The following SETBP1 variants were observed in gnomAD, a reference collection of about 807,000 sequenced individuals.
The protein encoded by SETBP1 is SET-binding protein.
Under a neutral mutation model 101.0 loss-of-function variants are expected in SETBP1, and 9 were observed. The ratio of observed to expected loss-of-function variants is 0.09; its 90% CI spans 0.05 to 0.16. SETBP1 has a LOEUF of 0.16. Ranked by LOEUF, SETBP1 falls within the 10% of genes least tolerant of loss-of-function variation. The probability of loss-of-function intolerance (pLI) is 1.00; values close to 1 mark genes in which losing one functional copy is unlikely to be tolerated. For missense variants in SETBP1, 1,858 were observed against 2,033.8 expected (o/e 0.91, Z 1.66); for synonymous variants, 818 against 788.5 (o/e 1.04, Z -0.63).
intron 3 of SETBP1, among the ~76,000 whole-genome samples, chr18:44,942,659 A>C (rs1277206436): frequency 6.6e-6 from 1 of 152,200 alleles, no homozygotes; most frequent in Admixed American, 6.5e-5. Context: ...TAGTGCCTGA[A>C]AACAATTATT....
chr18:44,967,511 T>C (rs1028828164), intron 4 of SETBP1, among the ~76,000 whole-genome samples: 2 of 152,230 alleles, frequency 1.3e-5, no homozygotes, highest in Non-Finnish European at 2.9e-5. Flanking sequence ...TCACCACTTC[T>C]TATGTCAGAA....
intron 3 of SETBP1, among the ~76,000 whole-genome samples, chr18:44,927,642 A>C (rs2070734719): frequency 6.6e-6 from 1 of 152,136 alleles, no homozygotes. Flanking sequence ...CCCAATCAAA[A>C]TGTGGCAGTA....
At chr18:44,798,744 A>G (rs752160180) in intron 2 of SETBP1, among the ~76,000 whole-genome samples, 105 of 152,168 alleles carry the variant, frequency 6.9e-4, no homozygotes, top group South Asian at 1.0e-3. Flanking sequence ...AACTTAACAT[A>G]TTGCCCTAGG....
intron 2 of SETBP1, among the ~76,000 whole-genome samples, chr18:44,828,310 A>G (rs888017602): frequency 6.6e-6 from 1 of 152,192 alleles, no homozygotes; most frequent in Admixed American, 6.5e-5. Flanking sequence ...GTCACATGGC[A>G]ATGAAAACAA....
chr18:44,842,083 A>G (rs1222986095), intron 2 of SETBP1, among the ~76,000 whole-genome samples: 2 of 152,176 alleles, frequency 1.3e-5, no homozygotes, highest in Admixed American at 6.5e-5. Flanking sequence ...TTCAACTTTT[A>G]TTGTTCGGTA....
intron 4 of SETBP1, among the ~76,000 whole-genome samples, chr18:45,005,313 T>C (rs762801094): frequency 1.6e-4 from 24 of 152,206 alleles, no homozygotes; most frequent in Non-Finnish European, 2.9e-4. Context: ...ATCATTTTTC[T>C]GGTGGGAAAA....
At chr18:45,029,062 T>C (rs889206689) in intron 4 of SETBP1, among the ~76,000 whole-genome samples, 1 of 152,214 alleles carries the variant, frequency 6.6e-6, no homozygotes, top group African/African-American at 2.4e-5. Context: ...TTGTTTTTGG[T>C]GTTTTAGACA....
intron 2 of SETBP1, among the ~76,000 whole-genome samples, chr18:44,800,347 A>T (rs1201558704): frequency 6.6e-6 from 1 of 152,188 alleles, no homozygotes; most frequent in African/African-American, 2.4e-5. Context: ...CTTTAGAAGC[A>T]GCAATGAAAA....
At chr18:44,944,845 A>ACTTTG (rs1222355007) in intron 3 of SETBP1, among the ~76,000 whole-genome samples, 2 of 151,912 alleles carry the variant, frequency 1.3e-5, no homozygotes, top group Non-Finnish European at 2.9e-5. Context: ...CTTGCAATAA[A>ACTTTG]CTTTGCTTTA....
chr18:44,748,692 G>A (rs769872550), intron 2 of SETBP1, among the ~76,000 whole-genome samples: 6 of 152,212 alleles, frequency 3.9e-5, no homozygotes, highest in South Asian at 2.1e-4. Flanking sequence ...AAAGGGAATA[G>A]TGTCCACTTA....
chr18:44,825,916 A>G (rs372188252), intron 2 of SETBP1, among the ~76,000 whole-genome samples: 6 of 152,232 alleles, frequency 3.9e-5, no homozygotes, highest in African/African-American at 1.4e-4. Flanking sequence ...GTGATACAGG[A>G]TAAGGGAACT....
chr18:44,751,747 G>A (rs981822465), intron 2 of SETBP1, among the ~76,000 whole-genome samples: 3 of 152,184 alleles, frequency 2.0e-5, no homozygotes, highest in African/African-American at 7.2e-5. Context: ...AACCAGGCAG[G>A]CGTATTAGTC....
chr18:44,817,433 C>G (rs934157897), intron 2 of SETBP1, among the ~76,000 whole-genome samples: 1 of 152,126 alleles, frequency 6.6e-6, no homozygotes, highest in Admixed American at 6.5e-5. Flanking sequence ...CCCCTGTAAT[C>G]CCAGCACTTT....
intron 2 of SETBP1, among the ~76,000 whole-genome samples, chr18:44,843,450 T>G (rs1235022783): frequency 6.6e-6 from 1 of 152,240 alleles, no homozygotes; most frequent in East Asian, 1.9e-4. Context: ...AGGACTTGTG[T>G]GAACGTGCAG....
intron 4 of SETBP1, among the ~76,000 whole-genome samples, chr18:44,972,856 A>G (rs1168891777): frequency 6.6e-6 from 1 of 152,144 alleles, no homozygotes; most frequent in Non-Finnish European, 1.5e-5. Flanking sequence ...TTCCTAGTTG[A>G]ATACCCTTTA....
chr18:44,800,085 G>C lies in SETBP1; in HGVS notation c.487-69145G>C, dbSNP rs371792079. Among the ~76,000 whole-genome samples, 137 of 152,272 alleles carry C rather than the reference G, an allele frequency of 9.0e-4. 2 individuals carry two copies. In the South Asian group the frequency reaches 0.014, roughly 16 times the overall value. On this transcript the variant is annotated intron_variant, in intron 2 of 5. Transcript: ENST00000649279. The stretch of plus-strand genomic sequence containing the variant: ...CTCCCCTTTGGCTACTGGGACCTTA[G>C]GAACCAGGTGTGTGATGGGCAGGGA...
chr18:44,707,450 T>G (rs1238289336), intron 2 of SETBP1, among the ~76,000 whole-genome samples: 2 of 152,202 alleles, frequency 1.3e-5, no homozygotes, highest in Admixed American at 6.5e-5. Flanking sequence ...TTTCCTCCTC[T>G]CCAGTTCTAT....
At chr18:44,964,781 A>G (rs904019641) in intron 4 of SETBP1, among the ~76,000 whole-genome samples, 3 of 151,872 alleles carry the variant, frequency 2.0e-5, no homozygotes, top group African/African-American at 7.3e-5. Context: ...AGGAAAACCA[A>G]CTCATGCTCC....
intron 2 of SETBP1, among the ~76,000 whole-genome samples, chr18:44,713,017 G>A (rs953926358): frequency 1.4e-5 from 2 of 147,250 alleles, no homozygotes; most frequent in East Asian, 4.0e-4. Context: ...GAAGGGCAGT[G>A]GTGTGATCTC....
Sources: gnomAD v4.1 joint callset for allele counts (sites outside exome capture counted in the v4.1 genomes callset) on GRCh38, gnomAD v4.1.1 for gene constraint, MANE v1.5 for transcripts, NCBI Gene and HGNC (gene_info 2026-07-23, HGNC 2026-07-21) for gene names.